Variants in GSTM4 observed in about 807,000 individuals in gnomAD.
The protein encoded by GSTM4 is glutathione S-transferase mu 4.
In GSTM4, 27 loss-of-function variants were observed where a neutral mutation model predicts 30.1. That is an observed-to-expected ratio of 0.90 (90% CI 0.66 to 1.24). GSTM4 has a LOEUF of 1.24. GSTM4 is among the 50% of genes most tolerant of loss of function. The pLI is 0.00. For missense variants in GSTM4, 238 were observed against 272.1 expected (o/e 0.87, Z 0.88); for synonymous variants, 94 against 96.2 (o/e 0.98, Z 0.13).
At chr1:109,665,150 G>A, downstream of GSTM4, 1 of 763,998 alleles carries the variant, frequency 1.3e-6, no homozygotes, top group Non-Finnish European at 2.4e-6. Flanking sequence ...AGACAGCAAA[G>A]ATTTCCTTCA....
downstream of GSTM4, among the ~76,000 whole-genome samples, chr1:109,667,640 G>A (rs927047409): frequency 6.6e-5 from 10 of 152,204 alleles, no homozygotes; most frequent in Admixed American, 3.9e-4. Flanking sequence ...TGCCACGTAT[G>A]TCCGCAGTTT....
chr1:109,659,576 C>T (rs1014209498), intron 7 of GSTM4: 18 of 421,786 alleles, frequency 4.3e-5, no homozygotes, highest in African/African-American at 1.8e-4. Flanking sequence ...GTGGCATTGA[C>T]GTCGAGTACG....
chr1:109,660,036 T>G (rs565608529), intron 7 of GSTM4: 1 of 195,540 alleles, frequency 5.1e-6, no homozygotes, highest in East Asian at 1.8e-4. Flanking sequence ...CCGTGCTGAA[T>G]TTGTTTGAGA....
downstream of GSTM4, chr1:109,665,082 A>T (rs1227697197): frequency 3.7e-6 from 4 of 1,075,190 alleles, no homozygotes; most frequent in Admixed American, 3.4e-5. Context: ...CTCAGATGGC[A>T]GGTAAAATCA....
intron 5 of GSTM4, 124 bp downstream of exon 5, chr1:109,657,996 G>A: frequency 1.3e-6 from 1 of 751,314 alleles, no homozygotes; most frequent in East Asian, 2.6e-5. Flanking sequence ...GTAGCAGAGT[G>A]ACTGTCATAT....
In GSTM4 at chr1:109,656,770, A is replaced by T. The variant is rs1034750852; in HGVS notation, c.95A>T (p.Lys32Met). The change falls in exon 2 of 8, where the codon AAG becomes ATG. Residue 32 changes from lysine to methionine, a missense_variant. Coordinates refer to ENST00000369836, the MANE Select transcript of GSTM4 (RefSeq NM_000850.5). ...ACAGACTCAAGCTACGAGGAAAAGA[A>T]GTATACGATGGGGGACGGTAATGAC... ...EYTDSSYEEK[K>M]YTMGDAPDYD... 2 of 1,613,928 alleles carry T rather than the reference A, an allele frequency of 1.2e-6. No homozygotes were observed. Among genetic ancestry groups the T allele is most frequent in the Middle Eastern group, 1.6e-4 (1 of 6,062 alleles).
chr1:109,660,028 G>A (rs1652239207), intron 7 of GSTM4: 3 of 196,658 alleles, frequency 1.5e-5, no homozygotes, highest in Middle Eastern at 2.0e-3. Context: ...TCCCTCACCC[G>A]TGCTGAATTT....
intron 3 of GSTM4, 132 bp from the exon 4 acceptor site, chr1:109,657,458 G>A: frequency 6.9e-7 from 1 of 1,453,392 alleles, no homozygotes; most frequent in East Asian, 2.3e-5. Context: ...TCATGTGACA[G>A]TATTTCTATG....
chr1:109,658,053 T>G, intron 5 of GSTM4, 181 bp downstream of exon 5: 1 of 603,800 alleles, frequency 1.7e-6, no homozygotes, highest in Non-Finnish European at 2.9e-6. Flanking sequence ...CCACCAATCA[T>G]AGGAAGTCCT....
intron 7 of GSTM4, chr1:109,659,395 C>T (rs530859508): frequency 5.4e-5 from 78 of 1,449,554 alleles, no homozygotes; most frequent in Non-Finnish European, 6.4e-5. Flanking sequence ...CTGTGCTGGG[C>T]TCCCTGTGAG....
At chr1:109,659,131 T>C (rs1652179729) in intron 7 of GSTM4, 21 bp downstream of exon 7, 2 of 1,614,070 alleles carry the variant, frequency 1.2e-6, no homozygotes, top group African/African-American at 2.7e-5. Flanking sequence ...CATCCTCCTT[T>C]CTCTTTGATG....
At chr1:109,657,158 G>T in intron 2 of GSTM4, 57 bp from the exon 3 acceptor site, 1 of 1,591,776 alleles carries the variant, frequency 6.3e-7, no homozygotes, top group Non-Finnish European at 8.6e-7. Context: ...GAGGGTCCCC[G>T]GGAAGGAGGG....
downstream of GSTM4, among the ~76,000 whole-genome samples, chr1:109,663,724 C>G (rs1395714579): frequency 1.3e-5 from 2 of 152,020 alleles, no homozygotes; most frequent in Non-Finnish European, 2.9e-5. Flanking sequence ...TATTACACTT[C>G]AATGAAAAGC....
downstream of GSTM4, among the ~76,000 whole-genome samples, chr1:109,666,736 T>A (rs1266324620): frequency 2.0e-5 from 3 of 151,942 alleles, no homozygotes; most frequent in Non-Finnish European, 4.4e-5. Context: ...TTTCTTTTTC[T>A]TTTTTTTGAG....
chr1:109,660,966 G>A, intron 7 of GSTM4, 199 bp from the exon 8 acceptor site: 1 of 613,450 alleles, frequency 1.6e-6, no homozygotes, highest in South Asian at 2.0e-5. Context: ...TGTTACTGTG[G>A]TACAACATTA....
chr1:109,661,875 A>G (rs1652338103), downstream of GSTM4: 1 of 215,626 alleles, frequency 4.6e-6, no homozygotes, highest in Non-Finnish European at 8.1e-6. Context: ...CTGCTTCCCA[A>G]GGTGAAGGGC....
chr1:109,657,115 C>T, intron 2 of GSTM4, 100 bp from the exon 3 acceptor site: 3 of 1,212,326 alleles, frequency 2.5e-6, no homozygotes, highest in East Asian at 2.3e-5. Flanking sequence ...TCTAGATCCA[C>T]CTGTCTCAGG....
rs540699847 is a variant in GSTM4, at chr1:109,658,862, C to A, written c.409C>A (p.His137Asn). 1.2e-6 allele frequency: 2 copies of A among 1,614,146 alleles called. No individual in the cohort carries two copies. Among genetic ancestry groups the A allele is most frequent in the East Asian group, 4.5e-5 (2 of 44,886 alleles). ...YLEELPTMMQHFSQFLGKRPW... is the reference protein window; with the variant it reads ...YLEELPTMMQNFSQFLGKRPW... ...GGAGGAACTTCCTACAATGATGCAG[C>A]ACTTCTCACAGTTCCTGGGGAAGAG... The change falls in exon 6 of 8, where the codon CAC (histidine) becomes AAC (asparagine). Residue 137 changes from histidine to asparagine, a missense_variant. Coordinates refer to ENST00000369836, the MANE Select transcript of GSTM4 (RefSeq NM_000850.5).
downstream of GSTM4, among the ~76,000 whole-genome samples, chr1:109,662,999 T>A (rs1652364877): frequency 6.6e-6 from 1 of 152,236 alleles, no homozygotes; most frequent in African/African-American, 2.4e-5. Flanking sequence ...AACTGTGGTT[T>A]ATCAACATAA....
Sources: allele counts gnomAD v4.1 joint callset (sites outside exome capture counted in the v4.1 genomes callset), GRCh38; gene constraint gnomAD v4.1.1; transcripts MANE v1.5; gene names NCBI Gene and HGNC (gene_info 2026-07-23, HGNC 2026-07-21).